Variants in ERRFI1 observed in about 807,000 individuals in gnomAD.
The protein encoded by ERRFI1 is ERBB receptor feedback inhibitor 1.
In ERRFI1, 12 loss-of-function variants were observed where a neutral mutation model predicts 14.6. That is an observed-to-expected ratio of 0.82 (90% CI 0.53 to 1.33). The LOEUF (loss-of-function observed/expected upper bound fraction) is 1.33. ERRFI1 is among the 40% of genes most tolerant of loss of function. The pLI, the probability that ERRFI1 is intolerant of heterozygous loss-of-function variation, is 0.00. For synonymous variants in ERRFI1, 202 were observed against 209.9 expected, an observed-to-expected ratio of 0.96 and a Z score of 0.32; for missense variants, 482 against 572.1, an observed-to-expected ratio of 0.84 and a Z score of 1.61.
At position 8,015,531 on chromosome 1, in the gene ERRFI1, C is replaced by G. The variant is rs753103592; in HGVS notation, c.89G>C (p.Arg30Thr). 3.7e-6 allele frequency: 6 copies of G among 1,614,162 alleles called. No homozygotes were observed. Among genetic ancestry groups the G allele is most frequent in the Non-Finnish European group, 5.1e-6 (6 of 1,180,004 alleles). ...LHNGRAMGNM[R>T]KTYWSSRSEF... ...ACTGCGACTGCTCCAGTAGGTCTTC[C>G]TCATATTCCCCATGGCTCGGCCATT... The change falls in exon 2 of 4, where the codon AGG (arginine) becomes ACG (threonine). Residue 30 changes from arginine to threonine, a missense_variant. Transcript: ENST00000377482.
rs1229096005 is a variant in ERRFI1 at position 8,012,259 on chromosome 1, T to C, written c.*951A>G. 3 of 229,238 alleles carry C rather than the reference T, an allele frequency of 1.3e-5. No individual in the cohort carries two copies. Among genetic ancestry groups the C allele is most frequent in the Non-Finnish European group, 2.6e-5 (3 of 115,866 alleles). The allele number at this position is 229,238 out of a possible 1,614,324, so 14.2% of individuals were successfully genotyped here. On this transcript the variant is annotated 3_prime_UTR_variant, in exon 4 of 4. Coordinates refer to ENST00000377482, the MANE Select transcript of ERRFI1 (RefSeq NM_018948.4). ...TTGTGTTGTATGTTTATTAATACAG[T>C]CTAAAAAAAAAAAGCAAAACCACAA...
At chr1:8,016,432 A>G (rs539632855) in intron 1 of ERRFI1, among the ~76,000 whole-genome samples, 9 of 152,336 alleles carry the variant, frequency 5.9e-5, no homozygotes, top group African/African-American at 2.2e-4. Context: ...CATTCTTTAC[A>G]TCCTCCTTTG....
In ERRFI1 at chr1:8,011,904, C is replaced by T. The variant is rs1329427684; in HGVS notation, c.*1306G>A. On this transcript the variant is annotated 3_prime_UTR_variant, in exon 4 of 4. Coordinates refer to ENST00000377482, the MANE Select transcript of ERRFI1 (RefSeq NM_018948.4). ...CTAAAATATAATAAGCTTTAAATAG[C>T]TCAAATAATATTCAGCAGTTTAAAC... 1 of 225,376 alleles carries T rather than the reference C, an allele frequency of 4.4e-6. No individual in the cohort carries two copies. Among genetic ancestry groups the T allele is most frequent in the Non-Finnish European group, 8.9e-6 (1 of 112,952 alleles). 14.0% of individuals were successfully genotyped at this position (225,376 alleles called of 1,614,324 possible).
intron 1 of ERRFI1, among the ~76,000 whole-genome samples, chr1:8,020,614 T>G (rs1463491495): frequency 1.3e-5 from 2 of 148,162 alleles, no homozygotes; most frequent in African/African-American, 5.0e-5. Context: ...AGTGCAATGG[T>G]GCACAGCACA....
At chr1:8,025,695 G>C (rs556596469) in intron 1 of ERRFI1, among the ~76,000 whole-genome samples, 1 of 151,890 alleles carries the variant, frequency 6.6e-6, no homozygotes, top group Non-Finnish European at 1.5e-5. Flanking sequence ...CAGGCCCGAA[G>C]ACGCTCATCC....
At chr1:8,016,218 G>A (rs1239715794) in intron 1 of ERRFI1, among the ~76,000 whole-genome samples, 1 of 152,186 alleles carries the variant, frequency 6.6e-6, no homozygotes, top group Admixed American at 6.5e-5. Context: ...CTACCCCAGG[G>A]TCTAGCATTT....
rs139502032 is a variant in ERRFI1, at chr1:8,014,198, T to C, written c.401A>G (p.Lys134Arg). The change falls in exon 4 of 4, where the codon AAA (lysine) becomes AGA (arginine). Residue 134 changes from lysine (K) to arginine (R), a missense_variant. Transcript: ENST00000377482. ...ACAGGGGAAAAGGGAAGGGGAGTTT[T>C]TTATGGGTGTCAGTGGAGGGGTGGA... ...CASTPPLTPIKNSPSLFPCAP... is the reference protein window; with the variant it reads ...CASTPPLTPIRNSPSLFPCAP... 72 of 1,613,970 alleles carry C rather than the reference T, an allele frequency of 4.5e-5. No homozygotes were observed. The African/African-American group carries it at 8.4e-4, about 19-fold the overall frequency.
At chr1:8,015,412 A>G in intron 2 of ERRFI1, 28 bp from the exon 3 acceptor site, 1 of 1,614,134 alleles carries the variant, frequency 6.2e-7, no homozygotes, top group Non-Finnish European at 8.5e-7. Flanking sequence ...TACTTTGGTC[A>G]TAAGCGAAGA....
In ERRFI1 at chr1:8,012,785, C is replaced by T. The variant is rs1465741822; in HGVS notation, c.*425G>A. The T allele has an allele frequency of 4.2e-6, 1 of 240,776 alleles. No homozygotes were observed. The highest frequency in any genetic ancestry group is 1.5e-4 in the South Asian group (1 of 6,634). 14.9% of individuals were successfully genotyped at this position (240,776 alleles called of 1,614,324 possible). ...GATTCTGATCTAAACAATACTGTATCTTCTTCCATTTGCTCAATTTTCAGT... is the reference window on the plus strand; with the variant it reads ...GATTCTGATCTAAACAATACTGTATTTTCTTCCATTTGCTCAATTTTCAGT... On this transcript the variant is annotated 3_prime_UTR_variant, in exon 4 of 4. Coordinates refer to ENST00000377482, the MANE Select transcript of ERRFI1 (RefSeq NM_018948.4).
In ERRFI1 at chr1:8,013,771, G is replaced by A. The variant is rs775458241; in HGVS notation, c.828C>T (p.Ser276=). ...GGGGAACCTCAGGTTTGTCTTCATC[G>A]GAGTTAGGAGAAGCTCTGTGTATAC... is the stretch of plus-strand genomic sequence containing the variant. ...NCCIHRASPN[S]DEDKPEVPPR... Residue 276 remains serine, a synonymous_variant, in exon 4 of 4, where the codon TCC becomes TCT. Transcript: ENST00000377482. This position sits in a 1 kb window ranked among gnomAD's most constrained non-coding sequence, Gnocchi z 4.3. 116 of 1,613,978 alleles carry A rather than the reference G, an allele frequency of 7.2e-5. No individual in the cohort carries two copies. The highest frequency in any genetic ancestry group is 3.8e-4 in the Admixed American group (23 of 59,984).
chr1:8,015,568 C>T lies in ERRFI1; in HGVS notation c.52G>A (p.Gly18Arg). The T allele has an allele frequency of 6.2e-7, 1 of 1,614,114 alleles. No homozygotes were observed. The highest frequency in any genetic ancestry group is 8.5e-7 in the Non-Finnish European group (1 of 1,179,994). ...AQEIRVPLKT[G>R]FLHNGRAMGN... Reference sequence around the variant, plus strand: ...ATGGCTCGGCCATTATGTAGAAATCCAGTTTTTAATGGGACTCTGATCTCC... The same window carrying T: ...ATGGCTCGGCCATTATGTAGAAATCTAGTTTTTAATGGGACTCTGATCTCC... The change falls in exon 2 of 4, where the codon GGA becomes AGA. Residue 18 changes from glycine to arginine, a missense_variant. Gly to Arg is a moderately radical substitution (Grantham distance 125). Transcript: ENST00000377482.
intron 3 of ERRFI1, 89 bp from the exon 4 acceptor site, chr1:8,014,485 A>G (rs931286887): frequency 1.3e-4 from 162 of 1,279,916 alleles, no homozygotes; most frequent in Non-Finnish European, 1.6e-4. Flanking sequence ...CTATGCTTCC[A>G]CAGCTTTCTT....
rs564103134 is a variant in ERRFI1, at chr1:8,012,170, T to C, written c.*1040A>G. ...CATACTGAGCTATGGGTCAGAAGTG[T>C]TTTACTTAAAAAGCAAACAATCCCC... is the stretch of plus-strand genomic sequence containing the variant. On this transcript the variant is annotated 3_prime_UTR_variant, in exon 4 of 4. Transcript: ENST00000377482. 3 of 231,150 alleles carry C rather than the reference T, an allele frequency of 1.3e-5. No individual in the cohort carries two copies. The highest frequency in any genetic ancestry group is 1.3e-3 in the Middle Eastern group (1 of 774). The allele number at this position is 231,150 out of a possible 1,614,324, so 14.3% of individuals were successfully genotyped here.
intron 1 of ERRFI1, among the ~76,000 whole-genome samples, chr1:8,019,887 G>A (rs1359964191): frequency 2.6e-5 from 4 of 151,972 alleles, no homozygotes; most frequent in Non-Finnish European, 5.9e-5. Flanking sequence ...AGCAATTGGG[G>A]GGGTACTTTC....
chr1:8,023,078 C>T (rs1227547493), intron 1 of ERRFI1, among the ~76,000 whole-genome samples: 2 of 152,086 alleles, frequency 1.3e-5, no homozygotes, highest in Admixed American at 1.3e-4. Flanking sequence ...AATCTAAAGG[C>T]TGAAAAAGAG....
In ERRFI1 at chr1:8,013,801, G is replaced by A. The variant is rs936220659; in HGVS notation, c.798C>T (p.Asn266=). The A allele has an allele frequency of 2.0e-5, 33 of 1,614,178 alleles. No individual in the cohort carries two copies. Among genetic ancestry groups the A allele is most frequent in the Non-Finnish European group, 2.6e-5 (31 of 1,180,022 alleles). The change falls in exon 4 of 4, where the codon AAC becomes AAT. Residue 266 remains asparagine (N), a synonymous_variant. Transcript: ENST00000377482. This position sits in a 1 kb window ranked among gnomAD's most constrained non-coding sequence, Gnocchi z 4.3. The stretch of plus-strand genomic sequence containing the variant: ...TAGGAGAAGCTCTGTGTATACAACA[G>A]TTGGATATCCTTATGGCTGGCTTGT... ...SFNKPAIRIS[N]CCIHRASPNS...
rs1319522127 is a variant in ERRFI1 at position 8,015,478 on chromosome 1, T to C, written c.125+17A>G. Reference sequence around the variant, plus strand: ...CATATTTATCCAGATTACAGCAGCATTACATCCTCTACTTACTTTTTAAAC... The same window carrying C: ...CATATTTATCCAGATTACAGCAGCACTACATCCTCTACTTACTTTTTAAAC... On this transcript the variant is annotated intron_variant, in intron 2 of 3. Transcript: ENST00000377482. 6.2e-7 allele frequency: 1 copy of C among 1,614,150 alleles called. No individual in the cohort carries two copies. Among genetic ancestry groups the C allele is most frequent in the Admixed American group, 1.7e-5 (1 of 60,028 alleles).
rs575926992 is a variant in ERRFI1, at chr1:8,012,663, C to T, written c.*547G>A. ...TGGTAAAGAATGGATACCCTGCCCT[C>T]CATGGAAAAGATTGCCTGCAAAAAT... On this transcript the variant is annotated 3_prime_UTR_variant, in exon 4 of 4. Transcript: ENST00000377482. 1.3e-5 allele frequency: 3 copies of T among 229,446 alleles called. No homozygotes were observed. In the East Asian group the frequency reaches 1.9e-4, roughly 14 times the overall value. 14.2% of individuals were successfully genotyped at this position (229,446 alleles called of 1,614,324 possible).
rs375738570 is a variant in ERRFI1, at chr1:8,013,049, A to C, written c.*161T>G. 4.7e-6 allele frequency: 3 copies of C among 637,990 alleles called. No homozygotes were observed. The highest frequency in any genetic ancestry group is 7.9e-6 in the Non-Finnish European group (3 of 378,250). 39.5% of individuals were successfully genotyped at this position (637,990 alleles called of 1,614,324 possible). A position where few individuals can be genotyped will look rare whatever the true frequency, so the allele number is the denominator to read the frequency against. On this transcript the variant is annotated 3_prime_UTR_variant, in exon 4 of 4. Coordinates refer to ENST00000377482, the MANE Select transcript of ERRFI1 (RefSeq NM_018948.4). This position sits in a 1 kb window ranked among gnomAD's most constrained non-coding sequence, Gnocchi z 4.3. ...ACTAACAAAGTCAGGGTTTCTCAGC[A>C]TAACAGCATCTCACAACTGCTCTAA...
Sources: gnomAD v4.1 joint callset for allele counts (sites outside exome capture counted in the v4.1 genomes callset) on GRCh38, gnomAD v4.1.1 for gene constraint, Gnocchi (gnomAD v3.1) non-coding constraint, MANE v1.5 for transcripts, NCBI Gene and HGNC (gene_info 2026-07-23, HGNC 2026-07-21) for gene names.